Variants in DDX60L observed in about 807,000 individuals in gnomAD.
DDX60L encodes the protein DExD/H-box 60 like, also known as probable ATP-dependent RNA helicase DDX60-like.
In DDX60L, 191 loss-of-function variants were observed where a neutral mutation model predicts 211.6. That is an observed-to-expected ratio of 0.90 (90% CI 0.80 to 1.02). The LOEUF is 1.02. Among genes scored for constraint, DDX60L ranks in the 50% least tolerant of loss-of-function variants. DDX60L has a pLI of 0.00. For missense variants in DDX60L, 2,007 were observed against 1,984.1 expected (o/e 1.01, Z -0.22); for synonymous variants, 706 against 694.1 (o/e 1.02, Z -0.27).
chr4:168,442,261 G>A (rs930506341), intron 9 of DDX60L, among the ~76,000 whole-genome samples: 10 of 152,270 alleles, frequency 6.6e-5, no homozygotes, highest in South Asian at 6.2e-4. Context: ...CTGGAAAATC[G>A]GGTCACTCCC....
At chr4:168,428,285 A>G (rs1474025065) in intron 13 of DDX60L, among the ~76,000 whole-genome samples, 1 of 152,114 alleles carries the variant, frequency 6.6e-6, no homozygotes, top group Non-Finnish European at 1.5e-5. Context: ...AAATAGCTCT[A>G]GGAGAGAGAC....
Position 168,427,329 on chromosome 4 carries a change from A to G in DDX60L, c.1678-7T>C. The G allele has an allele frequency of 6.2e-7, 1 of 1,606,462 alleles. No homozygotes were observed. The highest frequency in any genetic ancestry group is 1.1e-5 in the South Asian group (1 of 89,626). On this transcript the variant is annotated splice_region_variant and splice_polypyrimidine_tract_variant and intron_variant, in intron 13 of 37. Coordinates refer to ENST00000682922, the MANE Select transcript of DDX60L (RefSeq NM_001012967.3). ...TTTGGTGGGGTTTGGTATTCTGCTC[A>G]ATAATAAAAGGAACATATGAAACAA...
chr4:168,402,311 T>C (rs989979105), intron 25 of DDX60L, among the ~76,000 whole-genome samples: 3 of 152,030 alleles, frequency 2.0e-5, no homozygotes, highest in African/African-American at 7.3e-5. Flanking sequence ...AACAGTACTC[T>C]AAATGACAGC....
intron 17 of DDX60L, among the ~76,000 whole-genome samples, chr4:168,420,639 C>CACACGAGATAG (rs10598233): frequency 9.4e-6 from 1 of 106,606 alleles, no homozygotes; most frequent in Non-Finnish European, 2.0e-5. Flanking sequence ...CACACACACA[C>CACACGAGATAG]ATGAGATAGA....
rs1458397426 is a variant in DDX60L, at chr4:168,472,515, T to A, written c.14A>T (p.Asp5Val). ...CATTTCCCTGAAAAATACTGCATGA[T>A]CCTTTGACCCTAAAAATAAGGAGAT... MGSK[D>V]HAVFFREMTQ... Residue 5 changes from aspartate (D) to valine (V), a missense_variant, in exon 3 of 38, where the codon GAT becomes GTT. Transcript: ENST00000682922. 2 of 1,579,776 alleles carry A rather than the reference T, an allele frequency of 1.3e-6. No individual in the cohort carries two copies. Among genetic ancestry groups the A allele is most frequent in the East Asian group, 2.3e-5 (1 of 43,442 alleles).
chr4:168,429,226 C>A (rs374617412), intron 13 of DDX60L, among the ~76,000 whole-genome samples: 3 of 152,142 alleles, frequency 2.0e-5, no homozygotes, highest in East Asian at 3.9e-4. Flanking sequence ...CTCACTGCAA[C>A]CTCCACCTGC....
intron 5 of DDX60L, among the ~76,000 whole-genome samples, chr4:168,458,396 A>G (rs1425748047): frequency 6.6e-6 from 1 of 152,202 alleles, no homozygotes; most frequent in Non-Finnish European, 1.5e-5. Flanking sequence ...AAGACATGAA[A>G]TCAACCCAAA....
chr4:168,417,779 G>C (rs1749815149), intron 19 of DDX60L, among the ~76,000 whole-genome samples: 1 of 152,142 alleles, frequency 6.6e-6, no homozygotes, highest in African/African-American at 2.4e-5. Context: ...TGCAAATTAA[G>C]ACTTAGAGAG....
At chr4:168,406,527 G>A (rs960979689) in intron 23 of DDX60L, 75 bp downstream of exon 23, 8 of 1,032,762 alleles carry the variant, frequency 7.7e-6, no homozygotes, top group African/African-American at 4.8e-5. Context: ...GTGCTTACCT[G>A]TAGAGTAATT....
chr4:168,422,995 G>C (rs1252960245), intron 15 of DDX60L, among the ~76,000 whole-genome samples: 1 of 151,048 alleles, frequency 6.6e-6, no homozygotes, highest in Admixed American at 6.6e-5. Flanking sequence ...GTGTGTGTGT[G>C]TGTGTTGTAG....
chr4:168,464,850 G>A (rs183488249), intron 4 of DDX60L, among the ~76,000 whole-genome samples: 1 of 152,132 alleles, frequency 6.6e-6, no homozygotes, highest in Non-Finnish European at 1.5e-5. Context: ...TAGCCAAATA[G>A]TATTATATAG....
At chr4:168,390,091 A>G (rs746017196) in intron 29 of DDX60L, 28 of 977,974 alleles carry the variant, frequency 2.9e-5, no homozygotes, top group Non-Finnish European at 3.3e-5. Flanking sequence ...AGAAACAAAT[A>G]AAATCCATTC....
chr4:168,397,646 C>A (rs6820310), intron 26 of DDX60L, among the ~76,000 whole-genome samples: 3 of 152,276 alleles, frequency 2.0e-5, no homozygotes, highest in Non-Finnish European at 4.4e-5. Flanking sequence ...CATTAACAAC[C>A]CTACCAAGCC....
chr4:168,370,219 C>A (rs1740770248), intron 36 of DDX60L, among the ~76,000 whole-genome samples: 1 of 152,048 alleles, frequency 6.6e-6, no homozygotes, highest in Non-Finnish European at 1.5e-5. Flanking sequence ...TACATATACA[C>A]AATTAGATAC....
intron 29 of DDX60L, among the ~76,000 whole-genome samples, chr4:168,387,881 C>A (rs1035258840): frequency 1.3e-5 from 2 of 152,182 alleles, no homozygotes; most frequent in African/African-American, 4.8e-5. Flanking sequence ...GTGATTATCA[C>A]AGCCATTCTG....
At chr4:168,447,361 A>T (rs76315346) in intron 9 of DDX60L, among the ~76,000 whole-genome samples, 88,014 of 126,728 alleles carry the variant, frequency 0.69, 31,865 homozygotes, top group East Asian at 0.87. Flanking sequence ...AGAATGGCAA[A>T]CATTAAAAAG....
intron 33 of DDX60L, 123 bp from the exon 34 acceptor site, chr4:168,375,647 T>C (rs1741826880): frequency 3.3e-6 from 3 of 920,706 alleles, no homozygotes; most frequent in African/African-American, 1.7e-5. Context: ...CCTTGATTAC[T>C]TTACTCACCT....
intron 32 of DDX60L, 121 bp downstream of exon 32, chr4:168,379,242 C>T: frequency 1.1e-6 from 1 of 880,130 alleles, no homozygotes; most frequent in South Asian, 2.7e-5. Context: ...TGAACATATA[C>T]TTAGTATTTA....
intron 36 of DDX60L, among the ~76,000 whole-genome samples, chr4:168,364,300 A>T (rs1454513103): frequency 6.6e-6 from 1 of 152,240 alleles, no homozygotes. Flanking sequence ...GACAAAAACT[A>T]TAAAAAGGAC....
Sources: allele counts gnomAD v4.1 joint callset (sites outside exome capture counted in the v4.1 genomes callset), GRCh38; gene constraint gnomAD v4.1.1; transcripts MANE v1.5; gene names NCBI Gene and HGNC (gene_info 2026-07-23, HGNC 2026-07-21).